Variants in RBFOX1 observed in about 807,000 individuals in gnomAD.
The protein encoded by RBFOX1 is RNA binding protein fox-1 homolog 1.
A neutral mutation model predicts 57.7 loss-of-function variants in RBFOX1; 8 were observed. The observed-to-expected ratio is 0.14, with a 90% CI of 0.08 to 0.25. RBFOX1 has a LOEUF of 0.25. Among genes scored for constraint, RBFOX1 ranks in the 10% least tolerant of loss-of-function variants. The probability of loss-of-function intolerance (pLI) is 1.00; values close to 1 mark genes in which losing one functional copy is unlikely to be tolerated. For synonymous variants in RBFOX1, 326 were observed against 222.4 expected (o/e 1.47, Z -4.15); for missense variants, 611 against 548.5 (o/e 1.11, Z -1.14).
chr16:5,424,707 G>T (rs2067460772), intron 1 of RBFOX1, among the ~76,000 whole-genome samples: 1 of 151,976 alleles, frequency 6.6e-6, no homozygotes, highest in Admixed American at 6.6e-5. Flanking sequence ...GAGGGCGCAC[G>T]TGTGGGTTTG....
chr16:7,130,071 C>A (rs900884654), intron 4 of RBFOX1, among the ~76,000 whole-genome samples: 1 of 144,748 alleles, frequency 6.9e-6, no homozygotes, highest in Non-Finnish European at 1.5e-5. Context: ...CTAGCTCTGT[C>A]GCCCAGGCTG....
intron 14 of RBFOX1, among the ~76,000 whole-genome samples, chr16:7,704,473 T>G (rs2081789570): frequency 6.6e-6 from 1 of 152,072 alleles, no homozygotes; most frequent in Non-Finnish European, 1.5e-5. Context: ...TGACCCAGAG[T>G]CTTCAAAAAG....
chr16:7,126,803 T>C (rs954321419), intron 4 of RBFOX1, among the ~76,000 whole-genome samples: 4 of 151,810 alleles, frequency 2.6e-5, no homozygotes, highest in African/African-American at 4.8e-5. Flanking sequence ...AGCCAAAGAT[T>C]TTCTTTTAGC....
intron 2 of RBFOX1, among the ~76,000 whole-genome samples, chr16:5,518,826 T>C (rs1311678602): frequency 2.6e-5 from 4 of 152,228 alleles, no homozygotes; most frequent in Non-Finnish European, 4.4e-5. Flanking sequence ...AGATTCAAGA[T>C]GATGGCTGTT....
intron 2 of RBFOX1, among the ~76,000 whole-genome samples, chr16:6,601,012 G>T (rs1363509375): frequency 2.0e-5 from 3 of 152,148 alleles, no homozygotes; most frequent in Admixed American, 6.6e-5. Flanking sequence ...CCTGAGAAAG[G>T]ACATAGAAGG....
At position 7,349,205 on chromosome 16, in the gene RBFOX1, C is replaced by T. The variant is rs527372941; in HGVS notation, c.28-168942C>T. On this transcript the variant is annotated intron_variant, in intron 4 of 15. Coordinates refer to ENST00000550418, the MANE Select transcript of RBFOX1 (RefSeq NM_018723.4). ...ACTAAAACTTGGGTTAAAAATCAGG[C>T]GGCTCAAGAGATCAAGATATCTTCC... Among the ~76,000 whole-genome samples, 9 of 152,226 alleles carry T rather than the reference C, an allele frequency of 5.9e-5. No homozygotes were observed. In the East Asian group the frequency reaches 9.7e-4, roughly 16 times the overall value.
At chr16:6,474,381 G>A (rs549735628) in intron 2 of RBFOX1, among the ~76,000 whole-genome samples, 9 of 152,234 alleles carry the variant, frequency 5.9e-5, no homozygotes, top group South Asian at 4.2e-4. Flanking sequence ...CCTGTCAGTC[G>A]CCCAAACGGG....
chr16:6,641,703 T>G (rs2098489737), intron 2 of RBFOX1, among the ~76,000 whole-genome samples: 1 of 119,254 alleles, frequency 8.4e-6, no homozygotes, highest in African/African-American at 3.2e-5. Context: ...CCACCGCAAT[T>G]CAGCCTGGGT....
At chr16:6,955,065 T>C (rs1180636909) in intron 3 of RBFOX1, among the ~76,000 whole-genome samples, 2 of 102,568 alleles carry the variant, frequency 1.9e-5, no homozygotes, top group African/African-American at 4.1e-5. Flanking sequence ...ACCCCATCTC[T>C]ACAAAAAAAA....
At chr16:7,099,551 A>G (rs536114199) in intron 4 of RBFOX1, among the ~76,000 whole-genome samples, 3 of 152,196 alleles carry the variant, frequency 2.0e-5, no homozygotes, top group African/African-American at 7.2e-5. Flanking sequence ...CAACTTAGAA[A>G]GGTTATTTTG....
intron 2 of RBFOX1, among the ~76,000 whole-genome samples, chr16:6,616,654 G>A (rs7197220): frequency 0.5 from 76,366 of 152,104 alleles, 19,509 homozygotes; most frequent in Non-Finnish European, 0.54. Flanking sequence ...CAGCCTGGGC[G>A]ACAGAGCAAG....
chr16:6,782,527 C>G (rs182689480), intron 3 of RBFOX1, among the ~76,000 whole-genome samples: 2 of 151,830 alleles, frequency 1.3e-5, no homozygotes, highest in Middle Eastern at 3.4e-3. Context: ...TTTTATGTCC[C>G]GGGATTTTTA....
rs142018892 is a variant in RBFOX1 at position 5,710,929 on chromosome 16, G to T, written c.318+111968G>T. ...AGGAAAACATTAGCTTATGCTGTGT[G>T]TTAAGTTTTCCTTCACCTATTAAAA... On this transcript the variant is annotated intron_variant, in intron 3 of 19. Coordinates refer to the RBFOX1 transcript ENST00000641259. Among the ~76,000 whole-genome samples the T allele has an allele frequency of 5.9e-5, 9 of 152,290 alleles. No homozygotes were observed. The East Asian group carries it at 1.7e-3, about 29-fold the overall frequency.
intron 3 of RBFOX1, among the ~76,000 whole-genome samples, chr16:5,736,007 C>T (rs541997034): frequency 3.2e-4 from 49 of 152,210 alleles, no homozygotes; most frequent in African/African-American, 1.2e-3. Context: ...GCTTAGGGTC[C>T]TCTTCCTGTG....
rs61008654 is a variant in RBFOX1 at position 6,457,994 on chromosome 16, T to G, written c.-64+140937T>G. 3.5e-3 allele frequency among the ~76,000 whole-genome samples: 479 copies of G among 136,356 alleles called. 5 individuals are homozygous for G. The highest frequency in any genetic ancestry group is 0.012 in the African/African-American group (456 of 36,584). 89.5% of individuals were successfully genotyped at this position (136,356 alleles called of 152,430 possible). ...ATGCGTGTGCACACACATACATAGG[T>G]TTGTGTTCTCAAAACTGAAAAAAAA... is the stretch of plus-strand genomic sequence containing the variant. On this transcript the variant is annotated intron_variant, in intron 2 of 15. Transcript: ENST00000550418.
chr16:5,839,606 G>T (rs745437769), intron 3 of RBFOX1, among the ~76,000 whole-genome samples: 2 of 152,128 alleles, frequency 1.3e-5, no homozygotes, highest in Non-Finnish European at 2.9e-5. Flanking sequence ...TACTCAAAAA[G>T]AATACTGGAG....
At chr16:6,959,750 A>C (rs566493383) in intron 3 of RBFOX1, among the ~76,000 whole-genome samples, 130 of 152,278 alleles carry the variant, frequency 8.5e-4, no homozygotes, top group African/African-American at 3.1e-3. Flanking sequence ...CAGCCTGGCC[A>C]ACATGGTGAA....
intron 1 of RBFOX1, among the ~76,000 whole-genome samples, chr16:6,158,075 G>A (rs191436529): frequency 1.3e-3 from 201 of 152,230 alleles, no homozygotes; most frequent in African/African-American, 4.1e-3. Context: ...AACTAGGAGC[G>A]GGGAGATTCC....
At chr16:6,672,237 C>G (rs1404372890) in intron 3 of RBFOX1, among the ~76,000 whole-genome samples, 1 of 152,106 alleles carries the variant, frequency 6.6e-6, no homozygotes, top group African/African-American at 2.4e-5. Flanking sequence ...TTCTTATAAT[C>G]CACCACCATA....
Sources: gnomAD v4.1 joint callset for allele counts (sites outside exome capture counted in the v4.1 genomes callset) on GRCh38, gnomAD v4.1.1 for gene constraint, MANE v1.5 for transcripts, NCBI Gene and HGNC (gene_info 2026-07-23, HGNC 2026-07-21) for gene names.